CDK12: variants seen among roughly 807,000 people sequenced by gnomAD.
CDK12 encodes the protein cyclin dependent kinase 12, also known as cyclin-dependent kinase 12.
In CDK12, 17 loss-of-function variants were observed where a neutral mutation model predicts 133.8. That is an observed-to-expected ratio of 0.13 (90% CI 0.09 to 0.19). The LOEUF (loss-of-function observed/expected upper bound fraction) is 0.19. CDK12 is among the 10% of genes least tolerant of loss of function. The pLI is 1.00. For missense variants in CDK12, 1,508 were observed against 1,818.7 expected (o/e 0.83, Z 3.11); for synonymous variants, 694 against 683.6 (o/e 1.02, Z -0.24).
chr17:39,547,494 A>C (rs1379646869), upstream of CDK12, among the ~76,000 whole-genome samples: 1 of 152,068 alleles, frequency 6.6e-6, no homozygotes, highest in Non-Finnish European at 1.5e-5. Flanking sequence ...TAATATCCAG[A>C]CTGTTCCGAA....
chr17:39,557,975 G>T (rs2056223639), intron 3 of CDK12, among the ~76,000 whole-genome samples: 1 of 152,196 alleles, frequency 6.6e-6, no homozygotes, highest in Admixed American at 6.5e-5. Context: ...AGAATTTCGT[G>T]AAATAATGTG....
Position 39,531,006 on chromosome 17 carries a change from G to A in CDK12, c.4163G>A (p.Ser1388Asn), listed in dbSNP as rs1253385986. The A allele has an allele frequency of 6.2e-7, 1 of 1,614,224 alleles. No individual in the cohort carries two copies. Among genetic ancestry groups the A allele is most frequent in the South Asian group, 1.1e-5 (1 of 91,084 alleles). The change falls in exon 14 of 14, where the codon AGT becomes AAT. Residue 1388 changes from serine (S) to asparagine (N), a missense_variant. Around this residue, in one of 9 missense-constraint regions of CDK12, gnomAD observed 399 missense variants for 469.6 expected, o/e 0.85. Transcript: ENST00000447079. ...CTGAGCCACCTTGGGGAGTCCAGCA[G>A]TTACCAGGGCACAGGGTCAGTGCAG... The part of the protein sequence containing the change: ...GSLSHLGESS[S>N]YQGTGSVQFP...
chr17:39,502,194 C>T (rs1364941730), intron 6 of CDK12, among the ~76,000 whole-genome samples: 3 of 150,936 alleles, frequency 2.0e-5, no homozygotes, highest in Non-Finnish European at 4.4e-5. Context: ...GCTCTGTCGC[C>T]CAGGCTGGAG....
chr17:39,540,832 C>T (rs1351391459), intron 1 of CDK12, among the ~76,000 whole-genome samples: 1 of 152,196 alleles, frequency 6.6e-6, no homozygotes, highest in Admixed American at 6.5e-5. Context: ...GCAGCTGAAA[C>T]GGGGCCTCAG....
At chr17:39,475,952 A>C (rs1181590100) in intron 2 of CDK12, among the ~76,000 whole-genome samples, 3 of 152,260 alleles carry the variant, frequency 2.0e-5, no homozygotes, top group African/African-American at 7.2e-5. Flanking sequence ...TTTTGTTGGA[A>C]AAGGAAATAG....
At chr17:39,466,900 A>T (rs1453593984) in intron 1 of CDK12, among the ~76,000 whole-genome samples, 1 of 118,386 alleles carries the variant, frequency 8.4e-6, no homozygotes, top group Non-Finnish European at 1.8e-5. Context: ...GAACATATAG[A>T]TCCCTTCTAT....
chr17:39,463,404 GGAGTT>G (rs1350236153), intron 1 of CDK12, among the ~76,000 whole-genome samples: 6 of 152,096 alleles, frequency 3.9e-5, no homozygotes, highest in Non-Finnish European at 4.4e-5. Context: ...GTGAGTGGAT[GGAGTT>G]GATACTAGTT....
At position 39,490,686 on chromosome 17, in the gene CDK12, A is replaced by G; in HGVS notation, c.2061A>G (p.Glu687=). 6.2e-7 allele frequency: 1 copy of G among 1,613,752 alleles called. No individual in the cohort carries two copies. Among genetic ancestry groups the G allele is most frequent in the Non-Finnish European group, 8.5e-7 (1 of 1,179,840 alleles). ...GGDLSPPDSP[E]PKAITPPQQP... ...ATCTGTCTCCCCCAGACTCTCCAGA[A>G]CCAAAGGCAATCACACCACCTCAGC... Residue 687 remains glutamate (E), a synonymous_variant, in exon 3 of 14, where the codon GAA becomes GAG. Coordinates refer to ENST00000447079, the MANE Select transcript of CDK12 (RefSeq NM_016507.4).
In CDK12 at chr17:39,471,780, A is replaced by G. The variant is rs749477111; in HGVS notation, c.1931+17A>G. On this transcript the variant is annotated intron_variant, in intron 2 of 13. Transcript: ENST00000447079. The stretch of plus-strand genomic sequence containing the variant: ...CATGGATAGGTAAGTCCTATAGTGA[A>G]CTGGAAAAAACCCCCTTGATCTAAA... 5 of 1,576,398 alleles carry G rather than the reference A, an allele frequency of 3.2e-6. No homozygotes were observed. Among genetic ancestry groups the G allele is most frequent in the Non-Finnish European group, 4.3e-6 (5 of 1,159,126 alleles).
upstream of CDK12, chr17:39,544,174 T>C: frequency 2.1e-6 from 1 of 474,884 alleles, no homozygotes; most frequent in South Asian, 1.5e-5. Context: ...GCTTCCTGGG[T>C]GCAAGACCAA....
rs2050464360 is a variant in CDK12 at position 39,479,383 on chromosome 17, G to A, written c.1931+7620G>A. Among the ~76,000 whole-genome samples, 8 of 151,176 alleles carry A rather than the reference G, an allele frequency of 5.3e-5. No homozygotes were observed. The Admixed American group carries it at 5.3e-4, about 10-fold the overall frequency. On this transcript the variant is annotated intron_variant, in intron 2 of 13. Transcript: ENST00000447079. ...TATTCTCTGTTTTATCTTCTCACTC[G>A]AGACTGCAGCAGCATAATGTTGAGA...
At chr17:39,477,250 A>C (rs1165458290) in intron 2 of CDK12, among the ~76,000 whole-genome samples, 1 of 147,108 alleles carries the variant, frequency 6.8e-6, no homozygotes, top group African/African-American at 2.5e-5. Flanking sequence ...ACTGTTGCCC[A>C]GGCTGGAGTG....
chr17:39,509,028 A>C (rs998313769), intron 6 of CDK12, among the ~76,000 whole-genome samples: 2 of 150,718 alleles, frequency 1.3e-5, no homozygotes, highest in African/African-American at 4.9e-5. Context: ...AGCAGAGTGA[A>C]ACATGGTTGG....
rs2054781862 is a variant in CDK12, at chr17:39,530,687, G to A, written c.3844G>A (p.Val1282Ile). Residue 1282 changes from valine to isoleucine, a missense_variant, in exon 14 of 14, where the codon GTT (valine) becomes ATT (isoleucine). Val to Ile is a conservative substitution (Grantham distance 29). Around this residue, in one of 9 missense-constraint regions of CDK12, gnomAD observed 399 missense variants for 469.6 expected, o/e 0.85. Coordinates refer to ENST00000447079, the MANE Select transcript of CDK12 (RefSeq NM_016507.4). The part of the protein sequence containing the change: ...PPPPPPPPPL[V>I]EGDLSSAPQE... ...ACCGCCGCCACCTCCACCCCCTCTG[G>A]TTGAAGGCGATCTTTCCAGCGCCCC... The A allele has an allele frequency of 6.2e-7, 1 of 1,613,644 alleles. No individual in the cohort carries two copies. Among genetic ancestry groups the A allele is most frequent in the Non-Finnish European group, 8.5e-7 (1 of 1,179,898 alleles).
intron 13 of CDK12, among the ~76,000 whole-genome samples, chr17:39,527,010 A>G (rs1187415021): frequency 6.6e-6 from 1 of 152,238 alleles, no homozygotes; most frequent in Non-Finnish European, 1.5e-5. Context: ...CGTGCAATTT[A>G]TTAGAGGGAA....
rs1035088653 is a variant in CDK12, at chr17:39,525,729, G to A, written c.3308-135G>A. Reference sequence around the variant, plus strand: ...GTAACAAAATGTGTCATGACATTTTGAGGCATGAAAAAATGAGACATTTAA... The same window carrying A: ...GTAACAAAATGTGTCATGACATTTTAAGGCATGAAAAAATGAGACATTTAA... On this transcript the variant is annotated intron_variant, in intron 12 of 13. Coordinates refer to ENST00000447079, the MANE Select transcript of CDK12 (RefSeq NM_016507.4). 1.2e-5 allele frequency: 8 copies of A among 659,692 alleles called. No homozygotes were observed. The South Asian group carries it at 1.6e-4, about 13-fold the overall frequency. 40.9% of individuals were successfully genotyped at this position (659,692 alleles called of 1,614,324 possible).
intron 4 of CDK12, among the ~76,000 whole-genome samples, chr17:39,493,461 A>G (rs552054239): frequency 5.9e-5 from 9 of 151,950 alleles, no homozygotes; most frequent in African/African-American, 2.2e-4. Context: ...GGCATGCACC[A>G]CCACACCCAG....
intron 3 of CDK12, among the ~76,000 whole-genome samples, chr17:39,561,130 C>G (rs929570299): frequency 6.6e-6 from 1 of 152,166 alleles, no homozygotes; most frequent in Non-Finnish European, 1.5e-5. Context: ...AGCATTCTAT[C>G]CAGACACCTG....
At chr17:39,538,563 T>C (rs780126860), downstream of CDK12, among the ~76,000 whole-genome samples, 1 of 152,210 alleles carries the variant, frequency 6.6e-6, no homozygotes, top group Non-Finnish European at 1.5e-5. Flanking sequence ...TTTATCTTGA[T>C]TGATTAGCAC....
Sources: gnomAD v4.1 joint callset for allele counts (sites outside exome capture counted in the v4.1 genomes callset) on GRCh38, gnomAD v4.1.1 for gene constraint, gnomAD v4.1.1 regional missense constraint, MANE v1.5 for transcripts, NCBI Gene and HGNC (gene_info 2026-07-23, HGNC 2026-07-21) for gene names.